SEPTIN8: variants seen among roughly 807,000 people sequenced by gnomAD.
SEPTIN8 encodes the protein septin 8.
Under a neutral mutation model 53.1 loss-of-function variants are expected in SEPTIN8, and 22 were observed. The ratio of observed to expected loss-of-function variants is 0.41; its 90% CI spans 0.30 to 0.59. The LOEUF (loss-of-function observed/expected upper bound fraction) is 0.59. Among genes scored for constraint, SEPTIN8 ranks in the 20% least tolerant of loss-of-function variants. The pLI is 0.24. For synonymous variants in SEPTIN8, 228 were observed against 248.4 expected, an observed-to-expected ratio of 0.92 and a Z score of 0.77; for missense variants, 536 against 638.7, an observed-to-expected ratio of 0.84 and a Z score of 1.73.
At chr5:132,759,045 A>T (rs1188144957) in intron 9 of SEPTIN8, 1 of 694,116 alleles carries the variant, frequency 1.4e-6, no homozygotes, top group Non-Finnish European at 2.7e-6. Context: ...TTTGGATTCA[A>T]ATTTAAAGAG....
At chr5:132,756,942 G>C (rs1013694866) in intron 9 of SEPTIN8, 2 of 985,294 alleles carry the variant, frequency 2.0e-6, no homozygotes, top group Non-Finnish European at 2.4e-6. Context: ...AGCTGAGAGA[G>C]GCTATCTTAA....
intron 2 of SEPTIN8, among the ~76,000 whole-genome samples, chr5:132,765,019 A>G (rs1756438743): frequency 6.6e-6 from 1 of 151,960 alleles, no homozygotes; most frequent in African/African-American, 2.4e-5. Context: ...TGCGTGCTGG[A>G]GCACTTACCA....
chr5:132,762,477 C>A lies in SEPTIN8; in HGVS notation c.696+7G>T, dbSNP rs188869872. The A allele has an allele frequency of 3.1e-6, 5 of 1,614,004 alleles. No homozygotes were observed. In the East Asian group the frequency reaches 1.1e-4, roughly 36 times the overall value. On this transcript the variant is annotated splice_region_variant and intron_variant, in intron 5 of 9. Coordinates refer to ENST00000378719, the MANE Select transcript of SEPTIN8 (RefSeq NM_001098811.2). ...CCAGGGCCCTGAGGCCCTCACCCAA[C>A]GCTCACATTCATGACTGCGTTAATC...
intron 1 of SEPTIN8, among the ~76,000 whole-genome samples, chr5:132,770,535 A>G (rs1185570870): frequency 3.3e-5 from 5 of 152,200 alleles, no homozygotes; most frequent in Non-Finnish European, 7.3e-5. Context: ...GACAACCAAT[A>G]CAAACTGAGA....
intron 9 of SEPTIN8, chr5:132,756,047 G>A (rs939558732): frequency 1.0e-6 from 1 of 985,052 alleles, no homozygotes; most frequent in South Asian, 4.7e-5. Context: ...AGTACAAAGT[G>A]AATGGAAAAG....
At chr5:132,756,240 CA>C (rs555139157) in intron 9 of SEPTIN8, 996 of 985,420 alleles carry the variant, frequency 1.0e-3, no homozygotes, top group Middle Eastern at 6.3e-3. Flanking sequence ...TGCACAATTA[CA>C]AACCACCTAG....
In SEPTIN8 at chr5:132,751,074, G is replaced by A. The variant is rs1280021545; in HGVS notation, c.*942C>T. The A allele has an allele frequency of 5.2e-6, 8 of 1,548,798 alleles. No homozygotes were observed. In the Admixed American group the frequency reaches 1.1e-4, roughly 21 times the overall value. On this transcript the variant is annotated 3_prime_UTR_variant, in exon 10 of 10. Transcript: ENST00000378719. ...GAACAGCTGTTTACAACATGGGATG[G>A]CAAAGCACAGGCGTGCACACGCCCT... is the stretch of plus-strand genomic sequence containing the variant.
At chr5:132,779,615 G>A (rs148777218), upstream of SEPTIN8, among the ~76,000 whole-genome samples, 122 of 152,268 alleles carry the variant, frequency 8.0e-4, no homozygotes, top group African/African-American at 2.7e-3. Context: ...CTTTTGTCAT[G>A]TAGAAGTTTA....
At chr5:132,763,352 G>T (rs144556595) in intron 4 of SEPTIN8, among the ~76,000 whole-genome samples, 81 of 152,334 alleles carry the variant, frequency 5.3e-4, no homozygotes, top group African/African-American at 1.9e-3. Flanking sequence ...GGAATTGAGA[G>T]ATAGAAAATG....
intron 2 of SEPTIN8, 103 bp downstream of exon 2, chr5:132,765,306 C>T: frequency 7.1e-7 from 1 of 1,415,158 alleles, no homozygotes; most frequent in Non-Finnish European, 9.7e-7. Context: ...AAGTTTCACT[C>T]TGCCTGGGAA....
rs1444646851 is a variant in SEPTIN8, at chr5:132,761,177, T to C, written c.1051A>G (p.Lys351Glu). The part of the protein sequence containing the change: ...EEEMRQMFVN[K>E]VKETELELKE... ...AGCTCCAGCTCTGTCTCCTTCACTT[T>C]GTTGACAAACATCTGCCTCATCTCT... The change falls in exon 8 of 10, where the codon AAA becomes GAA. Residue 351 changes from lysine to glutamate, a missense_variant. This residue lies in a region of SEPTIN8 where 8 missense variants were observed against 29.5 expected (regional missense o/e 0.27). Transcript: ENST00000378719. The surrounding 1 kb of genome is among the most constrained non-coding windows in gnomAD (Gnocchi z 5.8). The C allele has an allele frequency of 1.9e-6, 3 of 1,614,138 alleles. No homozygotes were observed. Among genetic ancestry groups the C allele is most frequent in the Admixed American group, 3.3e-5 (2 of 60,016 alleles).
rs138375376 is a variant in SEPTIN8, at chr5:132,750,988, C to G, written c.*1028G>C. Reference sequence around the variant, plus strand: ...TCTATATTGGGACGCCGCTGGACTTCTTGACTATAGTGAGTAAGGAGGTGT... The same window carrying G: ...TCTATATTGGGACGCCGCTGGACTTGTTGACTATAGTGAGTAAGGAGGTGT... On this transcript the variant is annotated 3_prime_UTR_variant, in exon 10 of 10. Transcript: ENST00000378719. The G allele has an allele frequency of 1.1e-5, 18 of 1,613,686 alleles. No individual in the cohort carries two copies. The highest frequency in any genetic ancestry group is 1.5e-5 in the Non-Finnish European group (18 of 1,179,946).
chr5:132,753,115 C>A, intron 9 of SEPTIN8: 1 of 659,450 alleles, frequency 1.5e-6, no homozygotes, highest in South Asian at 1.9e-5. Flanking sequence ...CCCAACTGAG[C>A]CCTTGGAAAA....
intron 1 of SEPTIN8, among the ~76,000 whole-genome samples, chr5:132,770,080 T>C (rs1203524897): frequency 2.5e-4 from 11 of 44,302 alleles, no homozygotes; most frequent in Non-Finnish European, 3.2e-4. Context: ...TATATATATA[T>C]GTATATATGT....
intron 1 of SEPTIN8, among the ~76,000 whole-genome samples, chr5:132,772,701 G>A (rs113831245): frequency 2.0e-5 from 3 of 152,286 alleles, no homozygotes; most frequent in African/African-American, 4.8e-5. Flanking sequence ...CACCAATACG[G>A]GTTGGCAGAG....
At position 132,761,498 on chromosome 5, in the gene SEPTIN8, T is replaced by G; in HGVS notation, c.922A>C (p.Met308Leu). The G allele has an allele frequency of 1.2e-6, 2 of 1,613,430 alleles. No individual in the cohort carries two copies. The highest frequency in any genetic ancestry group is 1.7e-6 in the Non-Finnish European group (2 of 1,179,952). ...ELYRRCKLEE[M>L]GFQDSDGDSQ... ...TCACCATCGCTGTCCTGAAAGCCCATCTCCTCCAACTTGCAGCGCCGGTAG... is the reference window on the plus strand; with the variant it reads ...TCACCATCGCTGTCCTGAAAGCCCAGCTCCTCCAACTTGCAGCGCCGGTAG... Residue 308 changes from methionine to leucine, a missense_variant, in exon 7 of 10, where the codon ATG becomes CTG. Physicochemically the swap from Met to Leu is conservative, Grantham distance 15. This residue lies in a region of SEPTIN8 where 395 missense variants were observed against 451.8 expected (regional missense o/e 0.87). Transcript: ENST00000378719. This position sits in a 1 kb window ranked among gnomAD's most constrained non-coding sequence, Gnocchi z 5.8.
chr5:132,757,200 C>T, intron 9 of SEPTIN8: 1 of 980,854 alleles, frequency 1.0e-6, no homozygotes, highest in Non-Finnish European at 1.2e-6. Context: ...AGAAGTCTTT[C>T]TAAATAATTC....
In SEPTIN8 at chr5:132,773,494, G is replaced by A. The variant is rs974668885; in HGVS notation, c.30+3614C>T. 2.6e-5 allele frequency among the ~76,000 whole-genome samples: 4 copies of A among 152,128 alleles called. No homozygotes were observed. The highest frequency in any genetic ancestry group is 5.9e-5 in the Non-Finnish European group (4 of 68,026). On this transcript the variant is annotated intron_variant, in intron 1 of 9. Coordinates refer to ENST00000378719, the MANE Select transcript of SEPTIN8 (RefSeq NM_001098811.2). This position sits in a 1 kb window ranked among gnomAD's most constrained non-coding sequence, Gnocchi z 4.2. ...CCTAGCCCATCCGAGGGCTCAAAAC[G>A]CCAAGGTATCCACCCTCTCTGTCAT...
At chr5:132,758,249 T>C (rs1755526929) in intron 9 of SEPTIN8, 2 of 1,280,880 alleles carry the variant, frequency 1.6e-6, no homozygotes, top group African/African-American at 1.5e-5. Context: ...TCAGGGAATC[T>C]GTGTTACTTA....
Sources: gnomAD v4.1 joint callset for allele counts (sites outside exome capture counted in the v4.1 genomes callset) on GRCh38, gnomAD v4.1.1 for gene constraint, gnomAD v4.1.1 regional missense constraint, Gnocchi (gnomAD v3.1) non-coding constraint, MANE v1.5 for transcripts, NCBI Gene and HGNC (gene_info 2026-07-23, HGNC 2026-07-21) for gene names.